CATSPERD: variants seen among roughly 807,000 people sequenced by gnomAD.
CATSPERD encodes the protein catsper channel auxiliary subunit delta, also known as cation channel sperm-associated auxiliary subunit delta.
In CATSPERD, 86 loss-of-function variants were observed where a neutral mutation model predicts 98.1. The ratio of observed to expected loss-of-function variants is 0.88; its 90% confidence interval spans 0.74 to 1.05. The LOEUF (loss-of-function observed/expected upper bound fraction) is 1.05. Ranked by LOEUF, CATSPERD falls within the 50% of genes least tolerant of loss-of-function variation. The pLI is 0.00. For missense variants in CATSPERD, 995 were observed against 1,005.7 expected, an observed-to-expected ratio of 0.99 and a Z score of 0.14; for synonymous variants, 394 against 390.2, an observed-to-expected ratio of 1.01 and a Z score of -0.12.
At chr19:5,757,154 G>A (rs2056338618) in intron 13 of CATSPERD, among the ~76,000 whole-genome samples, 1 of 145,820 alleles carries the variant, frequency 6.9e-6, no homozygotes, top group Non-Finnish European at 1.5e-5. Context: ...GGAGGCTGAA[G>A]TAAGAGAATC....
intron 20 of CATSPERD, among the ~76,000 whole-genome samples, chr19:5,775,578 G>C (rs2056726323): frequency 6.7e-6 from 1 of 149,932 alleles, no homozygotes. Context: ...GCATCCGGGA[G>C]GCAGAGCTTG....
At chr19:5,756,079 A>G (rs572651039) in intron 13 of CATSPERD, among the ~76,000 whole-genome samples, 1 of 152,006 alleles carries the variant, frequency 6.6e-6, no homozygotes, top group Admixed American at 6.6e-5. Context: ...CCAGGAGTTC[A>G]AGATCAGCCT....
In CATSPERD at chr19:5,733,707, T is replaced by C. The variant is rs1599520279; in HGVS notation, c.277-149T>C. 15 of 592,584 alleles carry C rather than the reference T, an allele frequency of 2.5e-5. No homozygotes were observed. The East Asian group carries it at 4.6e-4, about 18-fold the overall frequency. The allele number at this position is 592,584 out of a possible 1,614,324, so 36.7% of individuals were successfully genotyped here. ...CCTGACCTCGGTGATCTACCCGCCT[T>C]GGCCTCCCAAAGTGCTGGGATTACA... On this transcript the variant is annotated intron_variant, in intron 4 of 21. Coordinates refer to ENST00000381624, the MANE Select transcript of CATSPERD (RefSeq NM_152784.4).
intron 21 of CATSPERD, among the ~76,000 whole-genome samples, chr19:5,776,971 A>G (rs2056751256): frequency 6.6e-6 from 1 of 152,134 alleles, no homozygotes; most frequent in African/African-American, 2.4e-5. Context: ...CACTACGGGA[A>G]TTGGCAGACA....
At position 5,722,953 on chromosome 19, in the gene CATSPERD, T is replaced by C. The variant is rs899664026; in HGVS notation, c.72-1855T>C. 4.2e-4 allele frequency among the ~76,000 whole-genome samples: 64 copies of C among 151,498 alleles called. 1 individual carries two copies. The South Asian group carries it at 0.013, about 31-fold the overall frequency. ...CCTGTAATCCCAGCACTTTGGGAGG[T>C]GGAGGCGGGCGGATCACGAGGTCAG... On this transcript the variant is annotated intron_variant, in intron 1 of 21. Coordinates refer to ENST00000381624, the MANE Select transcript of CATSPERD (RefSeq NM_152784.4).
In CATSPERD at chr19:5,720,821, G is replaced by A. The variant is rs867430496; in HGVS notation, c.71+13G>A. 2.1e-5 allele frequency: 33 copies of A among 1,594,218 alleles called. No individual in the cohort carries two copies. Among genetic ancestry groups the A allele is most frequent in the Middle Eastern group, 3.3e-4 (2 of 6,048 alleles). Reference sequence around the variant, plus strand: ...CTCAGCTCTGTCGGTGGGGCTGCCAGGACTCCTGGGGCTGGGGTGCTGCCG... The same window carrying A: ...CTCAGCTCTGTCGGTGGGGCTGCCAAGACTCCTGGGGCTGGGGTGCTGCCG... On this transcript the variant is annotated intron_variant, in intron 1 of 21. Coordinates refer to ENST00000381624, the MANE Select transcript of CATSPERD (RefSeq NM_152784.4).
At chr19:5,729,664 G>A (rs894927879) in intron 3 of CATSPERD, among the ~76,000 whole-genome samples, 1 of 152,124 alleles carries the variant, frequency 6.6e-6, no homozygotes, top group Non-Finnish European at 1.5e-5. Flanking sequence ...TATATTTGAT[G>A]TATTCACACA....
intron 20 of CATSPERD, among the ~76,000 whole-genome samples, chr19:5,773,440 G>C (rs1265248629): frequency 6.6e-6 from 1 of 152,212 alleles, no homozygotes; most frequent in Non-Finnish European, 1.5e-5. Context: ...CTTTGCTGAT[G>C]ATGAGAAATG....
At chr19:5,753,269 CAG>C (rs1568360079) in intron 12 of CATSPERD, among the ~76,000 whole-genome samples, 1 of 151,460 alleles carries the variant, frequency 6.6e-6, no homozygotes, top group African/African-American at 2.4e-5. Flanking sequence ...TCTAAAGAAA[CAG>C]AAAGAGGGGG....
rs2056056001 is a variant in CATSPERD, at chr19:5,744,413, T to C, written c.574-14T>C. ...AGATTTATTCATCTGAAGTCTTTTC[T>C]GTTTGTTTCATAGGCAGAAATCATT... On this transcript the variant is annotated splice_polypyrimidine_tract_variant and intron_variant, in intron 7 of 21. Transcript: ENST00000381624. 1 of 1,606,114 alleles carries C rather than the reference T, an allele frequency of 6.2e-7. No individual in the cohort carries two copies. The highest frequency in any genetic ancestry group is 1.3e-5 in the African/African-American group (1 of 74,582).
In CATSPERD at chr19:5,776,294, C is replaced by T. The variant is rs774298301; in HGVS notation, c.2075C>T (p.Ser692Leu). ...GHNGFYVFYI[S>L]IVDPYYSYCQ... Reference sequence around the variant, plus strand: ...AATGGCTTTTATGTCTTCTACATTTCGATCGTGGATCCGTACTACAGGTGA... The same window carrying T: ...AATGGCTTTTATGTCTTCTACATTTTGATCGTGGATCCGTACTACAGGTGA... The change falls in exon 21 of 22, where the codon TCG becomes TTG. Residue 692 changes from serine to leucine, a missense_variant. Coordinates refer to ENST00000381624, the MANE Select transcript of CATSPERD (RefSeq NM_152784.4). 6.8e-6 allele frequency: 11 copies of T among 1,614,070 alleles called. No homozygotes were observed. Among genetic ancestry groups the T allele is most frequent in the Admixed American group, 3.3e-5 (2 of 59,988 alleles).
In CATSPERD at chr19:5,771,048, C is replaced by T. The variant is rs368558889; in HGVS notation, c.1739C>T (p.Thr580Ile). ...LGCPLLVYYD[T>I]LWKPVVELWR... ...TGTCCTCTCCTCGTCTACTATGACACCCTATGGAAGCCCGTGGTGGAGCTG... is the reference window on the plus strand; with the variant it reads ...TGTCCTCTCCTCGTCTACTATGACATCCTATGGAAGCCCGTGGTGGAGCTG... The change falls in exon 19 of 22, where the codon ACC becomes ATC. Residue 580 changes from threonine to isoleucine, a missense_variant. By Grantham distance (89) the Thr-to-Ile change is moderately conservative. Coordinates refer to ENST00000381624, the MANE Select transcript of CATSPERD (RefSeq NM_152784.4). 17 of 1,613,784 alleles carry T rather than the reference C, an allele frequency of 1.1e-5. No homozygotes were observed. The highest frequency in any genetic ancestry group is 1.4e-5 in the Non-Finnish European group (16 of 1,179,922).
intron 14 of CATSPERD, 37 bp downstream of exon 14, chr19:5,757,969 C>G: frequency 6.6e-7 from 1 of 1,524,716 alleles, no homozygotes; most frequent in Non-Finnish European, 9.0e-7. Flanking sequence ...TCGCCTGTCC[C>G]TTGAGAGGCC....
Position 5,739,930 on chromosome 19 carries a change from AG to A in CATSPERD, c.573+492del, listed in dbSNP as rs201053927. Among the ~76,000 whole-genome samples the A allele has an allele frequency of 7.3e-3, 1,113 of 152,120 alleles. 9 individuals carry two copies. Among genetic ancestry groups the A allele is most frequent in the African/African-American group, 0.025 (1,035 of 41,492 alleles). The stretch of plus-strand genomic sequence containing the variant: ...GGAGCCTAGGAAGTTAGAGACAAAA[AG>A]TTTTAGGTCAGGCAAAATCATGGCA... On this transcript the variant is annotated intron_variant, in intron 7 of 21. Transcript: ENST00000381624.
At chr19:5,773,743 T>G (rs1199809396) in intron 20 of CATSPERD, among the ~76,000 whole-genome samples, 12 of 149,016 alleles carry the variant, frequency 8.1e-5, no homozygotes, top group Non-Finnish European at 1.5e-5. Context: ...TTACACAGGC[T>G]GGCTTTGAAC....
Position 5,720,662 on chromosome 19 carries a change from G to A in CATSPERD, c.-76G>A, listed in dbSNP as rs1234171345. The A allele has an allele frequency of 2.1e-6, 3 of 1,417,290 alleles. No homozygotes were observed. Among genetic ancestry groups the A allele is most frequent in the Admixed American group, 1.9e-5 (1 of 53,704 alleles). The allele number at this position is 1,417,290 out of a possible 1,614,324, so 87.8% of individuals were successfully genotyped here. On this transcript the variant is annotated 5_prime_UTR_variant, in exon 1 of 22. Transcript: ENST00000381624. ...ATTGATGCGCATGCGCAGGGCTTCA[G>A]CCTGCACGTACTCGGATTGTGCAGC...
chr19:5,759,798 G>A (rs1449217778), intron 15 of CATSPERD, among the ~76,000 whole-genome samples: 3 of 151,778 alleles, frequency 2.0e-5, no homozygotes, highest in South Asian at 2.1e-4. Context: ...GTCCCGGGCC[G>A]GGCGCGGTGG....
intron 13 of CATSPERD, 38 bp from the exon 14 acceptor site, chr19:5,757,805 G>T: frequency 6.5e-7 from 1 of 1,547,400 alleles, no homozygotes; most frequent in African/African-American, 1.4e-5. Flanking sequence ...CCTGCCTGCT[G>T]GCTCCGTACA....
At chr19:5,776,111 G>A in intron 20 of CATSPERD, 50 bp from the exon 21 acceptor site, 2 of 1,585,492 alleles carry the variant, frequency 1.3e-6, no homozygotes, top group Non-Finnish European at 1.7e-6. Context: ...GAGGCTCAGG[G>A]CCCCCTCCCC....
Sources: gnomAD v4.1 joint callset for allele counts (sites outside exome capture counted in the v4.1 genomes callset) on GRCh38, gnomAD v4.1.1 for gene constraint, MANE v1.5 for transcripts, NCBI Gene and HGNC (gene_info 2026-07-23, HGNC 2026-07-21) for gene names.